Variants in TUBGCP2 observed in about 807,000 individuals in gnomAD.
TUBGCP2 encodes the protein tubulin gamma complex component 2.
Under a neutral mutation model 92.2 loss-of-function variants are expected in TUBGCP2, and 55 were observed. That is an observed-to-expected ratio of 0.60 (90% CI 0.48 to 0.75). The LOEUF (loss-of-function observed/expected upper bound fraction) is 0.75. Ranked by LOEUF, TUBGCP2 falls within the 30% of genes least tolerant of loss-of-function variation. The pLI is 0.00. For missense variants in TUBGCP2, 1,093 were observed against 1,188.9 expected (o/e 0.92, Z 1.19); for synonymous variants, 533 against 505.2 (o/e 1.06, Z -0.74).
upstream of TUBGCP2, chr10:133,309,065 T>C (rs898891258): frequency 1.5e-6 from 2 of 1,294,328 alleles, no homozygotes; most frequent in Non-Finnish European, 2.0e-6. Flanking sequence ...GCGCGCCCCG[T>C]GCGCTTCCCG....
upstream of TUBGCP2, chr10:133,311,683 G>A: frequency 6.3e-7 from 1 of 1,583,710 alleles, no homozygotes; most frequent in Non-Finnish European, 8.7e-7. Flanking sequence ...TGGGAGCCGT[G>A]CAGGGCAGTT....
chr10:133,282,486 A>G (rs1589820867), intron 15 of TUBGCP2, 144 bp from the exon 16 acceptor site: 3 of 1,193,726 alleles, frequency 2.5e-6, no homozygotes, highest in Middle Eastern at 2.4e-4. Flanking sequence ...CTGAGGCTGC[A>G]GGGGAAATGA....
chr10:133,281,389 CT>C lies in TUBGCP2; in HGVS notation c.2456del (p.Glu819GlyfsTer22). On this transcript the variant is annotated frameshift_variant, in exon 17 of 18. Transcript: ENST00000252936. LOFTEE classifies it high-confidence loss of function. ...ADTVQLVSGF[E>X]ATINKFDKNF... is the part of the protein sequence containing the mutation. ...TCTTGTCAAACTTGTTGATGGTGGC[CT>C]CGAAGCCGGACACCAGCTGCACAGT... The C allele has an allele frequency of 6.2e-7, 1 of 1,613,754 alleles. No individual in the cohort carries two copies. Among genetic ancestry groups the C allele is most frequent in the Non-Finnish European group, 8.5e-7 (1 of 1,180,002 alleles).
chr10:133,295,518 T>C (rs1445846492), intron 5 of TUBGCP2: 2 of 152,314 alleles, frequency 1.3e-5, no homozygotes, highest in Non-Finnish European at 2.9e-5. Context: ...ACACCTGCGA[T>C]GTCACCTGCA....
At chr10:133,299,749 T>A in intron 3 of TUBGCP2, 146 bp from the exon 4 acceptor site, 1 of 852,724 alleles carries the variant, frequency 1.2e-6, no homozygotes, top group Non-Finnish European at 1.8e-6. Context: ...AGGCAGGAAC[T>A]GAGCGTGACA....
chr10:133,288,230 T>G lies in TUBGCP2; in HGVS notation c.1621A>C (p.Lys541Gln). The change falls in exon 11 of 18, where the codon AAG (lysine) becomes CAG (glutamine). Residue 541 changes from lysine (K) to glutamine (Q), a missense_variant. Transcript: ENST00000252936. The stretch of plus-strand genomic sequence containing the variant: ...GGGGGCGTGATGTCCTCCACCGGCT[T>G]CCGGAGCTCCTCCTCCGCGAGGTCC... Reference protein sequence around the residue: ...FMDLAEEELRKPVEDITPPRL... With the variant: ...FMDLAEEELRQPVEDITPPRL... 6.2e-7 allele frequency: 1 copy of G among 1,613,812 alleles called. No homozygotes were observed. The highest frequency in any genetic ancestry group is 8.5e-7 in the Non-Finnish European group (1 of 1,179,954).
intron 13 of TUBGCP2, among the ~76,000 whole-genome samples, chr10:133,284,692 C>A (rs984432977): frequency 6.6e-6 from 1 of 152,158 alleles, no homozygotes; most frequent in African/African-American, 2.4e-5. Context: ...TGCCATCGAC[C>A]CCTTTTTTCA....
Position 133,281,347 on chromosome 10 carries a change from C to T in TUBGCP2, c.2499G>A (p.Leu833=), listed in dbSNP as rs1268066373. The change falls in exon 17 of 18, where the codon CTG becomes CTA. Residue 833 remains leucine, a synonymous_variant. Coordinates refer to ENST00000252936, the MANE Select transcript of TUBGCP2 (RefSeq NM_006659.4). ...TGCTCAGCCGGGCCAGGAGGTCCAG[C>T]AGGTGGGCTGAGAAGTTCTTGTCAA... ...NKFDKNFSAH[L]LDLLARLSIY... The T allele has an allele frequency of 6.2e-7, 1 of 1,613,760 alleles. No homozygotes were observed. Among genetic ancestry groups the T allele is most frequent in the Admixed American group, 1.7e-5 (1 of 60,012 alleles).
intron 5 of TUBGCP2, 80 bp downstream of exon 5, chr10:133,297,870 CAT>C (rs1368320801): frequency 3.3e-5 from 52 of 1,570,628 alleles, no homozygotes; most frequent in Middle Eastern, 4.7e-4. Context: ...GAAATAAACA[CAT>C]GACATACCTA....
intron 9 of TUBGCP2, among the ~76,000 whole-genome samples, 182 bp from the exon 10 acceptor site, chr10:133,289,202 CG>C (rs1385908788): frequency 6.6e-6 from 1 of 152,230 alleles, no homozygotes; most frequent in African/African-American, 2.4e-5. Flanking sequence ...CTGCATGAGG[CG>C]GCTCCACACC....
intron 15 of TUBGCP2, 150 bp downstream of exon 15, chr10:133,282,928 G>C: frequency 8.7e-7 from 1 of 1,152,428 alleles, no homozygotes; most frequent in Non-Finnish European, 1.2e-6. Context: ...CGGCCAGGAA[G>C]ACCAGGAGTT....
Position 133,293,108 on chromosome 10 carries a change from G to A in TUBGCP2, c.955C>T (p.Leu319Phe), listed in dbSNP as rs1431269329. The change falls in exon 7 of 18, where the codon CTT becomes TTT. Residue 319 changes from leucine (L) to phenylalanine (F), a missense_variant. Coordinates refer to ENST00000252936, the MANE Select transcript of TUBGCP2 (RefSeq NM_006659.4). ...QLEQLHRQGL[L>F]SLQKLWFYIQ... Reference sequence around the variant, plus strand: ...TAGAACCAGAGCTTCTGCAGCGAAAGGAGGCCCTGCCTGTGCAGCTGCTCC... The same window carrying A: ...TAGAACCAGAGCTTCTGCAGCGAAAAGAGGCCCTGCCTGTGCAGCTGCTCC... 4 of 1,613,868 alleles carry A rather than the reference G, an allele frequency of 2.5e-6. No individual in the cohort carries two copies. Among genetic ancestry groups the A allele is most frequent in the Non-Finnish European group, 3.4e-6 (4 of 1,180,034 alleles).
Position 133,288,314 on chromosome 10 carries a change from G to A in TUBGCP2, c.1542-5C>T, listed in dbSNP as rs372259585. The A allele has an allele frequency of 1.4e-5, 22 of 1,612,538 alleles. No individual in the cohort carries two copies. The highest frequency in any genetic ancestry group is 5.0e-5 in the Admixed American group (3 of 59,972). On this transcript the variant is annotated splice_region_variant and splice_polypyrimidine_tract_variant and intron_variant, in intron 10 of 17. Transcript: ENST00000252936. ...AGGAAGTAGCGCTTGATGGACCTGC[G>A]CCAGGGAGCAGGCGTGAGCAGGTGC...
chr10:133,310,005 G>A, upstream of TUBGCP2: 2 of 1,611,682 alleles, frequency 1.2e-6, no homozygotes, highest in Non-Finnish European at 1.7e-6. Flanking sequence ...AGCCGCCGAG[G>A]CCACCCCCCA....
At chr10:133,290,856 C>T (rs1192410243) in intron 8 of TUBGCP2, 1 of 152,482 alleles carries the variant, frequency 6.6e-6, no homozygotes, top group Non-Finnish European at 1.5e-5. Flanking sequence ...GCCCATTATA[C>T]CAGATTTTAT....
rs1411830085 is a variant in TUBGCP2 at position 133,279,345 on chromosome 10, C to T, written c.*421G>A. On this transcript the variant is annotated 3_prime_UTR_variant, in exon 18 of 18. Coordinates refer to ENST00000252936, the MANE Select transcript of TUBGCP2 (RefSeq NM_006659.4). ...CGACACCCGATGCCCGGTGGGTTTC[C>T]ACAACTCCCTGACCGTTTCCAGAGG... 5.8e-6 allele frequency: 1 copy of T among 173,140 alleles called. No individual in the cohort carries two copies. The highest frequency in any genetic ancestry group is 1.2e-5 in the Non-Finnish European group (1 of 81,274). 10.7% of individuals were successfully genotyped at this position (173,140 alleles called of 1,614,324 possible).
intron 5 of TUBGCP2, chr10:133,295,613 T>C (rs1469818140): frequency 1.3e-5 from 2 of 152,390 alleles, no homozygotes; most frequent in African/African-American, 2.4e-5. Context: ...GATAACACCT[T>C]CGCATGCTGC....
In TUBGCP2 at chr10:133,302,769, G is replaced by T. The variant is rs760636376; in HGVS notation, c.150+23C>A. 20 of 1,611,678 alleles carry T rather than the reference G, an allele frequency of 1.2e-5. 1 individual carries two copies. In the South Asian group the frequency reaches 2.2e-4, roughly 18 times the overall value. ...AGGAACAGTGCTCACCCTGCACAGCGCTACACCAAGGGCAGTGCTCACCTT... is the reference window on the plus strand; with the variant it reads ...AGGAACAGTGCTCACCCTGCACAGCTCTACACCAAGGGCAGTGCTCACCTT... On this transcript the variant is annotated intron_variant, in intron 2 of 17. Transcript: ENST00000252936.
chr10:133,296,972 G>C (rs1420141629), intron 5 of TUBGCP2, among the ~76,000 whole-genome samples: 7 of 152,352 alleles, frequency 4.6e-5, no homozygotes, highest in African/African-American at 1.7e-4. Context: ...GCCCCTTGGT[G>C]CCCACATTGC....
Sources: allele counts gnomAD v4.1 joint callset (sites outside exome capture counted in the v4.1 genomes callset), GRCh38; gene constraint gnomAD v4.1.1; transcripts MANE v1.5; gene names NCBI Gene and HGNC (gene_info 2026-07-23, HGNC 2026-07-21).